The following DLC1 variants were observed in gnomAD, a reference collection of about 807,000 sequenced individuals.
The protein encoded by DLC1 is DLC1 Rho GTPase activating protein.
Under a neutral mutation model 140.3 loss-of-function variants are expected in DLC1, and 54 were observed. That is an observed-to-expected ratio of 0.38 (90% confidence interval 0.31 to 0.48). DLC1 has a LOEUF of 0.48. DLC1 is among the 20% of genes least tolerant of loss of function. DLC1 has a pLI of 0.96. For missense variants in DLC1, 2,536 were observed against 1,907.0 expected, an observed-to-expected ratio of 1.33 and a Z score of -6.14; for synonymous variants, 986 against 728.1, an observed-to-expected ratio of 1.35 and a Z score of -5.70.
intron 4 of DLC1, among the ~76,000 whole-genome samples, chr8:13,334,128 A>G (rs186929225): frequency 6.6e-6 from 1 of 152,296 alleles, no homozygotes; most frequent in East Asian, 1.9e-4. Flanking sequence ...AGTCAAGGTT[A>G]CCAGGGACGT....
chr8:13,327,236 G>C (rs1833400049), intron 4 of DLC1, among the ~76,000 whole-genome samples: 1 of 145,606 alleles, frequency 6.9e-6, no homozygotes. Flanking sequence ...GCCTCCCAAA[G>C]TGCTGGGATT....
At chr8:13,097,558 C>T (rs1818610655) in intron 10 of DLC1, among the ~76,000 whole-genome samples, 3 of 152,062 alleles carry the variant, frequency 2.0e-5, no homozygotes. Context: ...GCCACCACAC[C>T]CGCCCCAAAA....
At chr8:13,337,249 T>C (rs572192702) in intron 4 of DLC1, among the ~76,000 whole-genome samples, 1 of 152,150 alleles carries the variant, frequency 6.6e-6, no homozygotes, top group Non-Finnish European at 1.5e-5. Context: ...ATAACACACA[T>C]TAGATTTGGC....
At chr8:13,533,933 G>A (rs995429492) in intron 1 of DLC1, among the ~76,000 whole-genome samples, 1 of 152,006 alleles carries the variant, frequency 6.6e-6, no homozygotes, top group African/African-American at 2.4e-5. Context: ...AGTTTCCTGA[G>A]GCCTCCCCAG....
rs1820493138 is a variant in DLC1, at chr8:13,115,671, GA to G, written c.1349-15del. 1 of 1,612,126 alleles carries G rather than the reference GA, an allele frequency of 6.2e-7. No homozygotes were observed. The highest frequency in any genetic ancestry group is 8.5e-7 in the Non-Finnish European group (1 of 1,179,398). On this transcript the variant is annotated splice_polypyrimidine_tract_variant and intron_variant, in intron 5 of 17. Coordinates refer to ENST00000276297, the MANE Select transcript of DLC1 (RefSeq NM_182643.3). ...TGGCTTCAATTTCTAGAACAGAACAGAAGAAAGACAAAATTAGCCATGTGTA... is the reference window on the plus strand; with the variant it reads ...TGGCTTCAATTTCTAGAACAGAACAGAGAAAGACAAAATTAGCCATGTGTA...
chr8:13,090,593 C>CACCTCCG, intron 14 of DLC1, 123 bp from the exon 15 acceptor site: 1 of 1,126,280 alleles, frequency 8.9e-7, no homozygotes, highest in Non-Finnish European at 1.3e-6. Context: ...GGCATCTTCC[C>CACCTCCG]GCCGGAGGTG....
chr8:13,219,221 A>T (rs1159423109), intron 5 of DLC1, among the ~76,000 whole-genome samples: 1 of 134,472 alleles, frequency 7.4e-6, no homozygotes, highest in Non-Finnish European at 1.5e-5. Flanking sequence ...TAATTATAAT[A>T]TGAATATAAT....
chr8:13,218,894 AT>A, intron 5 of DLC1, among the ~76,000 whole-genome samples: 1 of 128,854 alleles, frequency 7.8e-6, no homozygotes, highest in African/African-American at 3.0e-5. Flanking sequence ...ATATGAATAT[AT>A]ATAATTACAT....
At position 13,085,619 on chromosome 8, in the gene DLC1, G is replaced by T. The variant is rs1032540499; in HGVS notation, c.*192C>A. 2 of 728,276 alleles carry T rather than the reference G, an allele frequency of 2.7e-6. No individual in the cohort carries two copies. The highest frequency in any genetic ancestry group is 1.8e-5 in the African/African-American group (1 of 56,210). 45.1% of individuals were successfully genotyped at this position (728,276 alleles called of 1,614,324 possible). ...CACAGTCTTACATATTCCAGTCAAG[G>T]TCTATGAATACAGACCCTCAACAAA... On this transcript the variant is annotated 3_prime_UTR_variant, in exon 18 of 18. Coordinates refer to ENST00000276297, the MANE Select transcript of DLC1 (RefSeq NM_182643.3).
intron 1 of DLC1, among the ~76,000 whole-genome samples, chr8:13,565,076 T>A (rs1236346797): frequency 6.6e-6 from 1 of 152,208 alleles, no homozygotes; most frequent in Non-Finnish European, 1.5e-5. Flanking sequence ...ATTTGATAAA[T>A]ATAGTACTGT....
At chr8:13,192,266 G>A (rs1233004841) in intron 5 of DLC1, among the ~76,000 whole-genome samples, 1 of 151,930 alleles carries the variant, frequency 6.6e-6, no homozygotes, top group Non-Finnish European at 1.5e-5. Context: ...GATTATTCTT[G>A]TATGTCAGGA....
At chr8:13,180,713 G>A (rs955357713) in intron 5 of DLC1, among the ~76,000 whole-genome samples, 4 of 151,994 alleles carry the variant, frequency 2.6e-5, no homozygotes, top group African/African-American at 9.7e-5. Context: ...TCCTTAACAT[G>A]CCTATATAAT....
At position 13,602,715 on chromosome 8, in the gene DLC1, C is replaced by T. The variant is rs796500943; in HGVS notation, c.-126+1822G>A. On this transcript the variant is annotated intron_variant, in intron 1 of 1. Coordinates refer to the DLC1 transcript ENST00000631382. ...AAAAGTTATGACAAGATAATTTTTC[C>T]CCAGTTGCTAAAACAAAACAAAATA... is the stretch of plus-strand genomic sequence containing the variant. 7.2e-5 allele frequency among the ~76,000 whole-genome samples: 11 copies of T among 151,788 alleles called. 1 individual carries two copies. The highest frequency in any genetic ancestry group is 2.7e-4 in the African/African-American group (11 of 41,480).
intron 2 of DLC1, among the ~76,000 whole-genome samples, chr8:13,492,653 C>T (rs1801311116): frequency 6.6e-6 from 1 of 152,180 alleles, no homozygotes; most frequent in Non-Finnish European, 1.5e-5. Flanking sequence ...GGAATAAAGT[C>T]TGCTAACTGG....
At chr8:13,183,448 G>C (rs1191295858) in intron 5 of DLC1, among the ~76,000 whole-genome samples, 1 of 152,100 alleles carries the variant, frequency 6.6e-6, no homozygotes, top group African/African-American at 2.4e-5. Flanking sequence ...TATTGGCTGT[G>C]GGTTTGTCAT....
intron 2 of DLC1, among the ~76,000 whole-genome samples, chr8:13,426,406 C>T (rs915893273): frequency 3.3e-5 from 5 of 152,152 alleles, no homozygotes; most frequent in Non-Finnish European, 7.3e-5. Context: ...TACCATTGTA[C>T]TAGTAATTGA....
intron 1 of DLC1, among the ~76,000 whole-genome samples, chr8:13,539,021 T>G (rs957002099): frequency 6.6e-6 from 1 of 152,234 alleles, no homozygotes; most frequent in Non-Finnish European, 1.5e-5. Flanking sequence ...TAAATTATTT[T>G]GATCTTCATA....
At chr8:13,208,565 GTTC>G (rs762574960) in intron 5 of DLC1, among the ~76,000 whole-genome samples, 4 of 152,088 alleles carry the variant, frequency 2.6e-5, no homozygotes, top group Non-Finnish European at 4.4e-5. Context: ...TAGATTAAAA[GTTC>G]TTCTTATGTG....
chr8:13,189,869 C>T (rs549553931), intron 5 of DLC1, among the ~76,000 whole-genome samples: 11 of 130,588 alleles, frequency 8.4e-5, no homozygotes, highest in South Asian at 5.8e-4. Context: ...GCAACAAGAG[C>T]GAAACTCCAT....
Sources: gnomAD v4.1 joint callset for allele counts (sites outside exome capture counted in the v4.1 genomes callset) on GRCh38, gnomAD v4.1.1 for gene constraint, MANE v1.5 for transcripts, NCBI Gene and HGNC (gene_info 2026-07-23, HGNC 2026-07-21) for gene names.